KIRREL3: variants seen among roughly 807,000 people sequenced by gnomAD.
KIRREL3 encodes the protein kirre like nephrin family adhesion molecule 3.
KIRREL3 carries 36 observed loss-of-function variants against 89.7 expected under a neutral mutation model. The ratio of observed to expected loss-of-function variants is 0.40; its 90% confidence interval spans 0.31 to 0.53. The LOEUF is 0.53. Ranked by LOEUF, KIRREL3 falls within the 20% of genes least tolerant of loss-of-function variation. The pLI is 0.49. For synonymous variants in KIRREL3, 445 were observed against 441.4 expected, an observed-to-expected ratio of 1.01 and a Z score of -0.10; for missense variants, 864 against 1,056.6, an observed-to-expected ratio of 0.82 and a Z score of 2.53.
Position 126,912,092 on chromosome 11 carries a change from C to T in KIRREL3, c.55+88363G>A, listed in dbSNP as rs1468569099. On this transcript the variant is annotated intron_variant, in intron 1 of 16. Coordinates refer to ENST00000525144, the MANE Select transcript of KIRREL3 (RefSeq NM_032531.4). This position sits in a 1 kb window ranked among gnomAD's most constrained non-coding sequence, Gnocchi z 4.7. ...CACATACTCATGGAGAGCCCCAAAT[C>T]GTCCTTCAGACCCCTGGCAGTCTGG... is the stretch of plus-strand genomic sequence containing the variant. Among the ~76,000 whole-genome samples the T allele has an allele frequency of 4.6e-5, 7 of 151,950 alleles. No individual in the cohort carries two copies. Among genetic ancestry groups the T allele is most frequent in the South Asian group, 4.2e-4 (2 of 4,816 alleles).
rs536036404 is a variant in KIRREL3, at chr11:126,615,269, A to T, written c.56-52357T>A. ...TCTCTGTATTCTCAGCACCTAATCC[A>T]GTTCCTGGCACAGTCCTCAATAAAT... On this transcript the variant is annotated intron_variant, in intron 1 of 16. Transcript: ENST00000525144. This position sits in a 1 kb window ranked among gnomAD's most constrained non-coding sequence, Gnocchi z 5.4. Among the ~76,000 whole-genome samples, 1 of 152,292 alleles carries T rather than the reference A, an allele frequency of 6.6e-6. No individual in the cohort carries two copies. Among genetic ancestry groups the T allele is most frequent in the East Asian group, 1.9e-4 (1 of 5,172 alleles).
chr11:126,978,265 T>C lies in KIRREL3; in HGVS notation c.55+22190A>G, dbSNP rs1949634411. Among the ~76,000 whole-genome samples, 1 of 152,234 alleles carries C rather than the reference T, an allele frequency of 6.6e-6. No homozygotes were observed. On this transcript the variant is annotated intron_variant, in intron 1 of 16. Coordinates refer to ENST00000525144, the MANE Select transcript of KIRREL3 (RefSeq NM_032531.4). The surrounding 1 kb of genome is among the most constrained non-coding windows in gnomAD (Gnocchi z 4.2). ...AAAGGTGACCCTGCTCCACTTCCTCTACCAACATTCTTCCTGTGTCAGATC... is the reference window on the plus strand; with the variant it reads ...AAAGGTGACCCTGCTCCACTTCCTCCACCAACATTCTTCCTGTGTCAGATC...
intron 1 of KIRREL3, among the ~76,000 whole-genome samples, chr11:126,691,461 A>T (rs1230103447): frequency 6.6e-6 from 1 of 152,248 alleles, no homozygotes. Context: ...AGTCAAAATG[A>T]ATGAACAATA....
intron 1 of KIRREL3, among the ~76,000 whole-genome samples, chr11:126,596,911 G>A (rs893570142): frequency 5.3e-5 from 8 of 152,208 alleles, no homozygotes; most frequent in Non-Finnish European, 1.0e-4. Flanking sequence ...ATGAGTGTCT[G>A]CAGATCCATC....
In KIRREL3 at chr11:126,966,323, G is replaced by T. The variant is rs142252683; in HGVS notation, c.55+34132C>A. 1.8e-3 allele frequency among the ~76,000 whole-genome samples: 280 copies of T among 152,264 alleles called. 1 individual carries two copies. Among genetic ancestry groups the T allele is most frequent in the Middle Eastern group, 0.01 (3 of 294 alleles). ...GGCTGGAGATGAAAAGATCTGTATC[G>T]AGTCAGAATTTTTGCCGATTGTCAG... On this transcript the variant is annotated intron_variant, in intron 1 of 16. Transcript: ENST00000525144.
chr11:126,706,085 G>A (rs1402037749), intron 1 of KIRREL3, among the ~76,000 whole-genome samples: 1 of 152,184 alleles, frequency 6.6e-6, no homozygotes, highest in Non-Finnish European at 1.5e-5. Context: ...GCCCAGTCAA[G>A]CCTTCAGATG....
At chr11:126,862,065 G>T (rs1479798851) in intron 1 of KIRREL3, among the ~76,000 whole-genome samples, 2 of 152,212 alleles carry the variant, frequency 1.3e-5, no homozygotes, top group East Asian at 1.9e-4. Context: ...AGCCACAGCC[G>T]AGTGAAGGCG....
rs746436925 is a variant in KIRREL3 at position 126,489,199 on chromosome 11, C to T, written c.434-15733G>A. Among the ~76,000 whole-genome samples, 56 of 152,202 alleles carry T rather than the reference C, an allele frequency of 3.7e-4. No homozygotes were observed. Among genetic ancestry groups the T allele is most frequent in the African/African-American group, 1.2e-3 (48 of 41,528 alleles). ...ATGCGCTGCGTTTGCGGTGGAGAGC[C>T]GGCTGCATGGGAATCACTGCTGGCT... On this transcript the variant is annotated intron_variant, in intron 4 of 16. Coordinates refer to ENST00000525144, the MANE Select transcript of KIRREL3 (RefSeq NM_032531.4). This position sits in a 1 kb window ranked among gnomAD's most constrained non-coding sequence, Gnocchi z 5.5.
chr11:126,749,406 C>A (rs1372650860), intron 1 of KIRREL3, among the ~76,000 whole-genome samples: 2 of 152,160 alleles, frequency 1.3e-5, no homozygotes, highest in African/African-American at 4.8e-5. Context: ...GTTCAAGTTA[C>A]CCCATTCCTC....
chr11:126,719,806 C>A lies in KIRREL3; in HGVS notation c.56-156894G>T, dbSNP rs1171508061. 6.6e-6 allele frequency among the ~76,000 whole-genome samples: 1 copy of A among 152,226 alleles called. No individual in the cohort carries two copies. On this transcript the variant is annotated intron_variant, in intron 1 of 16. Coordinates refer to ENST00000525144, the MANE Select transcript of KIRREL3 (RefSeq NM_032531.4). This position sits in a 1 kb window ranked among gnomAD's most constrained non-coding sequence, Gnocchi z 4.7. ...CCCACCCTGGTCCAAGACAGCATCA[C>A]CTTGCATCTGTTGAGGCTCCTGAGA...
At position 126,987,590 on chromosome 11, in the gene KIRREL3, A is replaced by G. The variant is rs1949903948; in HGVS notation, c.55+12865T>C. Among the ~76,000 whole-genome samples, 1 of 152,222 alleles carries G rather than the reference A, an allele frequency of 6.6e-6. No individual in the cohort carries two copies. The highest frequency in any genetic ancestry group is 2.4e-5 in the African/African-American group (1 of 41,466). ...ATCTGATGAAGAGAACACCCAAAACAAAGCTCATGCCCAGAGAAAGGAGCA... is the reference window on the plus strand; with the variant it reads ...ATCTGATGAAGAGAACACCCAAAACGAAGCTCATGCCCAGAGAAAGGAGCA... On this transcript the variant is annotated intron_variant, in intron 1 of 16. Coordinates refer to ENST00000525144, the MANE Select transcript of KIRREL3 (RefSeq NM_032531.4). This position sits in a 1 kb window ranked among gnomAD's most constrained non-coding sequence, Gnocchi z 4.6.
Position 126,495,670 on chromosome 11 carries a change from C to A in KIRREL3, c.434-22204G>T, listed in dbSNP as rs1047614728. On this transcript the variant is annotated intron_variant, in intron 4 of 16. Coordinates refer to ENST00000525144, the MANE Select transcript of KIRREL3 (RefSeq NM_032531.4). This position sits in a 1 kb window ranked among gnomAD's most constrained non-coding sequence, Gnocchi z 6.5. Reference sequence around the variant, plus strand: ...CCAGGTATAAGCAGAAACTTATGGTCACAGTCAGGACCATGGAGGAGGAGG... The same window carrying A: ...CCAGGTATAAGCAGAAACTTATGGTAACAGTCAGGACCATGGAGGAGGAGG... 6.6e-6 allele frequency among the ~76,000 whole-genome samples: 1 copy of A among 152,116 alleles called. No homozygotes were observed. The highest frequency in any genetic ancestry group is 2.4e-5 in the African/African-American group (1 of 41,420).
chr11:126,811,142 G>T lies in KIRREL3; in HGVS notation c.55+189313C>A, dbSNP rs1033106011. On this transcript the variant is annotated intron_variant, in intron 1 of 16. Transcript: ENST00000525144. The surrounding 1 kb of genome is among the most constrained non-coding windows in gnomAD (Gnocchi z 4.3). The stretch of plus-strand genomic sequence containing the variant: ...CCTTCTAAGCTCCCGCAGCAGCCAG[G>T]CTCTTAAGCAGCCAGCTAGCAACTC... Among the ~76,000 whole-genome samples the T allele has an allele frequency of 7.9e-5, 12 of 152,180 alleles. No individual in the cohort carries two copies. The highest frequency in any genetic ancestry group is 2.9e-4 in the African/African-American group (12 of 41,444).
At chr11:126,951,961 TA>T (rs34014673) in intron 1 of KIRREL3, among the ~76,000 whole-genome samples, 1 of 152,168 alleles carries the variant, frequency 6.6e-6, no homozygotes. Context: ...AATTATGCTT[TA>T]AAAAAGATCC....
intron 1 of KIRREL3, among the ~76,000 whole-genome samples, chr11:126,721,359 C>T (rs956933937): frequency 2.6e-5 from 4 of 151,826 alleles, no homozygotes; most frequent in Non-Finnish European, 4.4e-5. Context: ...GGAGAAACCC[C>T]GTCTCTATTA....
At chr11:126,644,481 G>T (rs1316823605) in intron 1 of KIRREL3, among the ~76,000 whole-genome samples, 1 of 152,212 alleles carries the variant, frequency 6.6e-6, no homozygotes, top group Non-Finnish European at 1.5e-5. Context: ...GTAGATGCAG[G>T]TCACTTGGGG....
At chr11:126,654,680 A>G (rs1453622515) in intron 1 of KIRREL3, among the ~76,000 whole-genome samples, 1 of 152,174 alleles carries the variant, frequency 6.6e-6, no homozygotes, top group East Asian at 1.9e-4. Flanking sequence ...CCCTCTCCAC[A>G]TGGGCAACCA....
At position 126,843,585 on chromosome 11, in the gene KIRREL3, C is replaced by A. The variant is rs1267300162; in HGVS notation, c.55+156870G>T. 6.6e-6 allele frequency among the ~76,000 whole-genome samples: 1 copy of A among 152,032 alleles called. No homozygotes were observed. The highest frequency in any genetic ancestry group is 1.5e-5 in the Non-Finnish European group (1 of 68,006). On this transcript the variant is annotated intron_variant, in intron 1 of 16. Coordinates refer to ENST00000525144, the MANE Select transcript of KIRREL3 (RefSeq NM_032531.4). The surrounding 1 kb of genome is among the most constrained non-coding windows in gnomAD (Gnocchi z 4.6). ...AGTCCCGACGGCTAGTGAGTGGGAC[C>A]GTCAGAGGTGTTTGAACCAGAGCAA...
At chr11:126,737,946 A>G (rs79013383) in intron 1 of KIRREL3, among the ~76,000 whole-genome samples, 1 of 152,178 alleles carries the variant, frequency 6.6e-6, no homozygotes, top group Non-Finnish European at 1.5e-5. Context: ...CTGTGGTACT[A>G]CTGACTATTA....
Sources: gnomAD v4.1 joint callset for allele counts (sites outside exome capture counted in the v4.1 genomes callset) on GRCh38, gnomAD v4.1.1 for gene constraint, Gnocchi (gnomAD v3.1) non-coding constraint, MANE v1.5 for transcripts, NCBI Gene and HGNC (gene_info 2026-07-23, HGNC 2026-07-21) for gene names.